ZFPM2: variants seen among roughly 807,000 people sequenced by gnomAD.
The protein encoded by ZFPM2 is zinc finger protein ZFPM2.
A neutral mutation model predicts 98.6 loss-of-function variants in ZFPM2; 20 were observed. The ratio of observed to expected loss-of-function variants is 0.20; its 90% CI spans 0.14 to 0.29. The LOEUF is 0.29. Among genes scored for constraint, ZFPM2 ranks in the 10% least tolerant of loss-of-function variants. The probability of loss-of-function intolerance (pLI) is 1.00; values close to 1 mark genes in which losing one functional copy is unlikely to be tolerated. For synonymous variants in ZFPM2, 518 were observed against 502.7 expected, an observed-to-expected ratio of 1.03 and a Z score of -0.41; for missense variants, 1,310 against 1,388.6, an observed-to-expected ratio of 0.94 and a Z score of 0.90.
chr8:105,442,734 T>A (rs1020280718), intron 2 of ZFPM2, among the ~76,000 whole-genome samples: 4 of 152,158 alleles, frequency 2.6e-5, no homozygotes, highest in African/African-American at 9.7e-5. Flanking sequence ...TATTACAGAT[T>A]TTAAGTTCAT....
At chr8:105,721,723 A>T (rs1433503174) in intron 5 of ZFPM2, among the ~76,000 whole-genome samples, 1 of 151,948 alleles carries the variant, frequency 6.6e-6, no homozygotes, top group Non-Finnish European at 1.5e-5. Context: ...CAGGCCTTCT[A>T]TCCATGAATA....
intron 1 of ZFPM2, among the ~76,000 whole-genome samples, chr8:105,370,885 C>T (rs1563625533): frequency 6.6e-6 from 1 of 152,190 alleles, no homozygotes; most frequent in South Asian, 2.1e-4. Context: ...AAAGCCAAAG[C>T]TCTTCATTCC....
At chr8:105,436,340 A>T (rs1468219333) in intron 2 of ZFPM2, among the ~76,000 whole-genome samples, 2 of 151,890 alleles carry the variant, frequency 1.3e-5, no homozygotes, top group African/African-American at 4.8e-5. Flanking sequence ...ACCAACATGG[A>T]GAAACCCTGT....
chr8:105,788,645 G>A, intron 5 of ZFPM2, 73 bp from the exon 6 acceptor site: 1 of 1,412,418 alleles, frequency 7.1e-7, no homozygotes, highest in Middle Eastern at 1.9e-4. Flanking sequence ...AGGTGCTATG[G>A]ACATCAATCT....
At chr8:105,779,902 A>G (rs1813201994) in intron 5 of ZFPM2, among the ~76,000 whole-genome samples, 2 of 152,188 alleles carry the variant, frequency 1.3e-5, no homozygotes, top group African/African-American at 4.8e-5. Flanking sequence ...TCGAGTTTGA[A>G]CTGTGACTTT....
intron 2 of ZFPM2, among the ~76,000 whole-genome samples, chr8:105,426,367 G>A (rs1209017439): frequency 6.6e-6 from 1 of 152,124 alleles, no homozygotes; most frequent in Non-Finnish European, 1.5e-5. Context: ...CTGAATCTTT[G>A]ACTCCTTGTT....
At chr8:105,350,468 A>G (rs776885052) in intron 1 of ZFPM2, among the ~76,000 whole-genome samples, 4 of 152,226 alleles carry the variant, frequency 2.6e-5, no homozygotes, top group Admixed American at 6.5e-5. Flanking sequence ...AATCAGATAA[A>G]TAAAAAGAGA....
At chr8:105,468,702 A>G (rs1320368863) in intron 3 of ZFPM2, among the ~76,000 whole-genome samples, 2 of 152,174 alleles carry the variant, frequency 1.3e-5, no homozygotes, top group East Asian at 3.9e-4. Flanking sequence ...TTAAGTGAGC[A>G]TTTATTATGC....
At chr8:105,757,073 C>G (rs899289713) in intron 5 of ZFPM2, among the ~76,000 whole-genome samples, 3 of 152,100 alleles carry the variant, frequency 2.0e-5, no homozygotes, top group Non-Finnish European at 4.4e-5. Context: ...AATGCTATAG[C>G]CAATAAAGGC....
intron 5 of ZFPM2, among the ~76,000 whole-genome samples, chr8:105,657,889 T>C (rs1311069996): frequency 6.6e-6 from 1 of 152,140 alleles, no homozygotes; most frequent in Non-Finnish European, 1.5e-5. Flanking sequence ...GCCTACCAAA[T>C]TAATAGAAAC....
intron 5 of ZFPM2, among the ~76,000 whole-genome samples, chr8:105,677,457 G>A (rs1167003619): frequency 1.3e-5 from 2 of 151,948 alleles, no homozygotes; most frequent in African/African-American, 4.8e-5. Context: ...TCTGCTTATC[G>A]AATCATCACA....
chr8:105,457,186 G>A (rs992783850), intron 3 of ZFPM2, among the ~76,000 whole-genome samples: 5 of 152,030 alleles, frequency 3.3e-5, no homozygotes, highest in African/African-American at 1.2e-4. Flanking sequence ...TTGTATTTTT[G>A]TTGTTGTTTT....
At chr8:105,419,433 T>TTTTTTTTTTTTTTTTG in intron 2 of ZFPM2, 131 bp downstream of exon 2, 1 of 1,140,024 alleles carries the variant, frequency 8.8e-7, no homozygotes, top group Non-Finnish European at 1.2e-6. Flanking sequence ...CAGATTTTTT[T>TTTTTTTTTTTTTTTTG]AAACATAAAA....
intron 5 of ZFPM2, chr8:105,676,112 TG>T (rs1275095619): frequency 2.0e-5 from 3 of 152,172 alleles, no homozygotes; most frequent in Non-Finnish European, 4.4e-5. Flanking sequence ...CCTCAGAATC[TG>T]GGAGAAGGTA....
intron 1 of ZFPM2, among the ~76,000 whole-genome samples, chr8:105,335,485 T>G (rs576315164): frequency 1.9e-3 from 287 of 151,892 alleles, no homozygotes; most frequent in African/African-American, 6.7e-3. Flanking sequence ...GAGAACTAAT[T>G]TTTTGGGAAA....
chr8:105,437,958 G>C (rs538035945), intron 2 of ZFPM2, among the ~76,000 whole-genome samples: 3 of 152,108 alleles, frequency 2.0e-5, no homozygotes, highest in African/African-American at 7.2e-5. Flanking sequence ...CAGGACAATT[G>C]CTTGAACCCA....
At chr8:105,513,311 C>T (rs1175502197) in intron 3 of ZFPM2, among the ~76,000 whole-genome samples, 1 of 152,100 alleles carries the variant, frequency 6.6e-6, no homozygotes, top group African/African-American at 2.4e-5. Context: ...CCTCAGGTAG[C>T]GAAATACCTG....
At chr8:105,720,464 C>T (rs1189300209) in intron 5 of ZFPM2, among the ~76,000 whole-genome samples, 1 of 151,840 alleles carries the variant, frequency 6.6e-6, no homozygotes, top group Non-Finnish European at 1.5e-5. Flanking sequence ...TAATTTACTA[C>T]TAATTTACCA....
intron 4 of ZFPM2, among the ~76,000 whole-genome samples, chr8:105,625,134 T>G (rs1816627722): frequency 6.6e-6 from 1 of 152,190 alleles, no homozygotes; most frequent in Non-Finnish European, 1.5e-5. Flanking sequence ...GTAGTGGTTC[T>G]CGTTATAGGA....
Sources: allele counts gnomAD v4.1 joint callset (sites outside exome capture counted in the v4.1 genomes callset), GRCh38; gene constraint gnomAD v4.1.1; transcripts MANE v1.5; gene names NCBI Gene and HGNC (gene_info 2026-07-23, HGNC 2026-07-21).